Variants in DLC1 observed in about 807,000 individuals in gnomAD.
DLC1 encodes DLC1 Rho GTPase activating protein.
Under a neutral mutation model 140.3 loss-of-function variants are expected in DLC1, and 54 were observed. The observed-to-expected ratio is 0.38, with a 90% CI of 0.31 to 0.48. The LOEUF is 0.48. DLC1 is among the 20% of genes least tolerant of loss of function. The probability of loss-of-function intolerance (pLI) is 0.96; values close to 1 mark genes in which losing one functional copy is unlikely to be tolerated. For synonymous variants in DLC1, 986 were observed against 728.1 expected, an observed-to-expected ratio of 1.35 and a Z score of -5.70; for missense variants, 2,536 against 1,907.0, an observed-to-expected ratio of 1.33 and a Z score of -6.14.
At chr8:13,207,219 A>G (rs1398849480) in intron 5 of DLC1, among the ~76,000 whole-genome samples, 3 of 152,178 alleles carry the variant, frequency 2.0e-5, no homozygotes, top group African/African-American at 7.2e-5. Flanking sequence ...TGGTAATTTC[A>G]AATTACGTAT....
chr8:13,521,278 G>T (rs1170685912), intron 1 of DLC1, among the ~76,000 whole-genome samples: 1 of 151,996 alleles, frequency 6.6e-6, no homozygotes, highest in African/African-American at 2.4e-5. Context: ...AGAGCATCAG[G>T]GTAAATAGCT....
chr8:13,454,896 T>G (rs529520844), intron 2 of DLC1, among the ~76,000 whole-genome samples: 1 of 152,150 alleles, frequency 6.6e-6, no homozygotes, highest in South Asian at 2.1e-4. Flanking sequence ...TTGGGACCAT[T>G]TGTTGTGGGG....
intron 4 of DLC1, among the ~76,000 whole-genome samples, chr8:13,382,589 T>C (rs940597283): frequency 1.3e-5 from 2 of 151,022 alleles, no homozygotes; most frequent in South Asian, 2.1e-4. Context: ...CCAGAATTTG[T>C]TGGATTCAAA....
chr8:13,477,422 A>ACATTGTATT (rs1222500879), intron 2 of DLC1, among the ~76,000 whole-genome samples: 13 of 152,200 alleles, frequency 8.5e-5, no homozygotes, highest in African/African-American at 3.1e-4. Context: ...GCACGGATGT[A>ACATTGTATT]CATTGTATTT....
At chr8:13,222,436 G>T (rs780274314) in intron 5 of DLC1, among the ~76,000 whole-genome samples, 1 of 152,076 alleles carries the variant, frequency 6.6e-6, no homozygotes, top group Non-Finnish European at 1.5e-5. Context: ...ATGTAGGTTA[G>T]ACACATCCTT....
At chr8:13,194,308 A>G (rs1826929590) in intron 5 of DLC1, among the ~76,000 whole-genome samples, 1 of 152,236 alleles carries the variant, frequency 6.6e-6, no homozygotes, top group Non-Finnish European at 1.5e-5. Flanking sequence ...GAACGATTCA[A>G]CATCAGCCTC....
intron 5 of DLC1, among the ~76,000 whole-genome samples, chr8:13,179,604 C>G (rs894402627): frequency 6.6e-6 from 1 of 151,758 alleles, no homozygotes; most frequent in Non-Finnish European, 1.5e-5. Context: ...ACCTGTAGTC[C>G]CAGCTATTTG....
At chr8:13,215,816 C>A (rs536834805) in intron 5 of DLC1, among the ~76,000 whole-genome samples, 2 of 152,148 alleles carry the variant, frequency 1.3e-5, no homozygotes, top group Admixed American at 6.6e-5. Flanking sequence ...CGTAATCTTT[C>A]GCATTAGATA....
rs1817483132 is a variant in DLC1 at position 13,085,573 on chromosome 8, TA to T, written c.*237del. On this transcript the variant is annotated 3_prime_UTR_variant, in exon 18 of 18. Coordinates refer to ENST00000276297, the MANE Select transcript of DLC1 (RefSeq NM_182643.3). The stretch of plus-strand genomic sequence containing the variant: ...GAAGCAATTTGAATAAGAATACACA[TA>T]AATTTTTTTTTTTTTTTTGCACAGT... 1.0e-5 allele frequency: 4 copies of T among 392,206 alleles called. No individual in the cohort carries two copies. Among genetic ancestry groups the T allele is most frequent in the Non-Finnish European group, 1.7e-5 (4 of 230,796 alleles). 24.3% of individuals were successfully genotyped at this position (392,206 alleles called of 1,614,324 possible). A position where few individuals can be genotyped will look rare whatever the true frequency, so the allele number is the denominator to read the frequency against.
intron 5 of DLC1, among the ~76,000 whole-genome samples, chr8:13,131,365 G>C (rs1257536244): frequency 6.6e-6 from 1 of 152,116 alleles, no homozygotes; most frequent in African/African-American, 2.4e-5. Flanking sequence ...AATGTAATCT[G>C]AGACTCAGTA....
chr8:13,182,791 C>G (rs547674297), intron 5 of DLC1, among the ~76,000 whole-genome samples: 1 of 152,238 alleles, frequency 6.6e-6, no homozygotes, highest in South Asian at 2.1e-4. Context: ...TTAGGATTGT[C>G]TTGGCAATGT....
chr8:13,536,822 C>T (rs1017604248), intron 1 of DLC1, among the ~76,000 whole-genome samples: 1 of 152,170 alleles, frequency 6.6e-6, no homozygotes, highest in South Asian at 2.1e-4. Flanking sequence ...CAATCTCCTT[C>T]CTTTTAATCC....
rs1824748125 is a variant in DLC1, at chr8:13,162,087, T to C, written c.1349-46430A>G. Reference sequence around the variant, plus strand: ...GAAAGTTTTTGACTTTCATAAGAATTTATAGCAGAAAGGTTGGAAACCACT... The same window carrying C: ...GAAAGTTTTTGACTTTCATAAGAATCTATAGCAGAAAGGTTGGAAACCACT... On this transcript the variant is annotated intron_variant, in intron 5 of 17. Transcript: ENST00000276297. Among the ~76,000 whole-genome samples, 7 of 152,304 alleles carry C rather than the reference T, an allele frequency of 4.6e-5. No homozygotes were observed. The South Asian group carries it at 1.5e-3, about 32-fold the overall frequency.
rs546356527 is a variant in DLC1 at position 13,100,099 on chromosome 8, C to T, written c.2238G>A (p.Gln746=). The part of the protein sequence containing the change: ...NSTQTSSSSS[Q]SETSSAVSTP... ...TGCTGACCGCGCTGCTGGTCTCCGA[C>T]TGGCTGCTGCTGCTGCTGGTCTGCG... The change falls in exon 9 of 18, where the codon CAG becomes CAA. Residue 746 remains glutamine, a synonymous_variant. Coordinates refer to ENST00000276297, the MANE Select transcript of DLC1 (RefSeq NM_182643.3). 20 of 1,613,918 alleles carry T rather than the reference C, an allele frequency of 1.2e-5. No homozygotes were observed. The South Asian group carries it at 2.0e-4, about 16-fold the overall frequency.
chr8:13,413,490 G>A (rs2117309282), intron 2 of DLC1, among the ~76,000 whole-genome samples: 1 of 112,996 alleles, frequency 8.8e-6, no homozygotes, highest in East Asian at 2.4e-4. Flanking sequence ...CTGTGTGTGT[G>A]TGTGCACACA....
intron 5 of DLC1, among the ~76,000 whole-genome samples, chr8:13,271,300 C>T (rs768202247): frequency 5.9e-5 from 9 of 152,152 alleles, no homozygotes; most frequent in Admixed American, 2.0e-4. Context: ...ATTACATATG[C>T]CCTTACTTGC....
chr8:13,425,170 T>C lies in DLC1; in HGVS notation c.1024-23551A>G, dbSNP rs554289189. Among the ~76,000 whole-genome samples, 27 of 151,514 alleles carry C rather than the reference T, an allele frequency of 1.8e-4. No homozygotes were observed. In the Middle Eastern group the frequency reaches 0.01, roughly 59 times the overall value. ...CTCTCAGGGAAATATGCAAGCTCCA[T>C]AGATGCACGAGTCAAGCGGCTGTTT... On this transcript the variant is annotated intron_variant, in intron 2 of 17. Coordinates refer to ENST00000276297, the MANE Select transcript of DLC1 (RefSeq NM_182643.3).
chr8:13,422,756 A>C (rs1280043697), intron 2 of DLC1, among the ~76,000 whole-genome samples: 2 of 152,066 alleles, frequency 1.3e-5, no homozygotes, highest in African/African-American at 4.8e-5. Context: ...TCTCTTAAGG[A>C]GTTGATACTA....
intron 5 of DLC1, among the ~76,000 whole-genome samples, chr8:13,268,741 TTTTG>T (rs1423541637): frequency 1.3e-5 from 2 of 151,940 alleles, no homozygotes; most frequent in Non-Finnish European, 2.9e-5. Flanking sequence ...TCTGACTTCT[TTTTG>T]TGTGTTTATA....
Sources: gnomAD v4.1 joint callset for allele counts (sites outside exome capture counted in the v4.1 genomes callset) on GRCh38, gnomAD v4.1.1 for gene constraint, MANE v1.5 for transcripts, NCBI Gene and HGNC (gene_info 2026-07-23, HGNC 2026-07-21) for gene names.